The following RSF1 variants were observed in gnomAD, a reference collection of about 807,000 sequenced individuals.
RSF1 encodes HBV pX-associated protein 8.
A neutral mutation model predicts 145.2 loss-of-function variants in RSF1; 13 were observed. The ratio of observed to expected loss-of-function variants is 0.09; its 90% confidence interval spans 0.06 to 0.14. The LOEUF (loss-of-function observed/expected upper bound fraction) is 0.14. Ranked by LOEUF, RSF1 falls within the 10% of genes least tolerant of loss-of-function variation. RSF1 has a pLI of 1.00. For missense variants in RSF1, 1,517 were observed against 1,718.2 expected (o/e 0.88, Z 2.07); for synonymous variants, 577 against 592.6 (o/e 0.97, Z 0.38).
intron 1 of RSF1, among the ~76,000 whole-genome samples, chr11:77,797,861 C>G (rs1190029969): frequency 6.6e-6 from 1 of 152,202 alleles, no homozygotes; most frequent in Non-Finnish European, 1.5e-5. Flanking sequence ...TATGAACAGA[C>G]ACTTCTCAAA....
chr11:77,762,409 C>T (rs1361179458), intron 2 of RSF1: 1 of 152,256 alleles, frequency 6.6e-6, no homozygotes, highest in Non-Finnish European at 1.5e-5. Context: ...TCCACCCCCT[C>T]CTTTCCATCC....
intron 1 of RSF1, among the ~76,000 whole-genome samples, chr11:77,814,618 G>GT (rs911812236): frequency 3.9e-5 from 6 of 152,038 alleles, no homozygotes; most frequent in African/African-American, 1.4e-4. Context: ...ACTAATTTTT[G>GT]TATTTTTAGT....
intron 3 of RSF1, among the ~76,000 whole-genome samples, chr11:77,744,748 A>G (rs1947981596): frequency 6.6e-6 from 1 of 152,182 alleles, no homozygotes; most frequent in African/African-American, 2.4e-5. Context: ...ATCTGTGTTC[A>G]TTGGGAATAT....
intron 4 of RSF1, among the ~76,000 whole-genome samples, chr11:77,738,245 A>G (rs1961415127): frequency 6.6e-6 from 1 of 152,234 alleles, no homozygotes; most frequent in Admixed American, 6.5e-5. Flanking sequence ...CCTCACAACA[A>G]CTTTTTGAGG....
chr11:77,684,583 G>A (rs980171843), intron 10 of RSF1, among the ~76,000 whole-genome samples: 1 of 152,206 alleles, frequency 6.6e-6, no homozygotes, highest in African/African-American at 2.4e-5. Flanking sequence ...TAGTTTAGAT[G>A]TGATATCACA....
At chr11:77,747,276 A>C (rs1408934693) in intron 2 of RSF1, 148 bp from the exon 3 acceptor site, 1 of 528,392 alleles carries the variant, frequency 1.9e-6, no homozygotes, top group Non-Finnish European at 3.4e-6. Context: ...CCTAAAATGC[A>C]TACTACTTAA....
the RSF1 span, chr11:77,870,074 T>C: frequency 2.0e-4 from 47 of 232,792 alleles, no homozygotes; most frequent in African/African-American, 1.0e-3. Flanking sequence ...TTTGGTCCTT[T>C]ATATTTTAAT....
At chr11:77,741,810 C>G (rs1947942527) in intron 3 of RSF1, among the ~76,000 whole-genome samples, 1 of 152,158 alleles carries the variant, frequency 6.6e-6, no homozygotes, top group Admixed American at 6.5e-5. Flanking sequence ...TTCCTCCTGT[C>G]TGACTTTTTG....
At chr11:77,783,004 ATTAAC>A (rs1439395100) in intron 1 of RSF1, among the ~76,000 whole-genome samples, 2 of 152,156 alleles carry the variant, frequency 1.3e-5, no homozygotes, top group African/African-American at 4.8e-5. Flanking sequence ...CTTCTTTTGA[ATTAAC>A]TTGATTAAAA....
intron 4 of RSF1, among the ~76,000 whole-genome samples, chr11:77,727,812 A>G (rs756601663): frequency 6.6e-6 from 1 of 152,028 alleles, no homozygotes; most frequent in Non-Finnish European, 1.5e-5. Context: ...AAGGGAATTT[A>G]GCATTAAAAT....
chr11:77,668,803 A>G (rs971914142), intron 15 of RSF1, among the ~76,000 whole-genome samples: 2 of 152,164 alleles, frequency 1.3e-5, no homozygotes, highest in African/African-American at 2.4e-5. Context: ...AAGGATTTTG[A>G]TATCTGCGGG....
At chr11:77,862,255 C>T in the RSF1 span, among the ~76,000 whole-genome samples, 1 of 152,124 alleles carries the variant, frequency 6.6e-6, no homozygotes, top group Non-Finnish European at 1.5e-5. Flanking sequence ...TACCAGAGAT[C>T]GCCAAACTCT....
intron 4 of RSF1, among the ~76,000 whole-genome samples, chr11:77,727,804 G>A (rs1961095207): frequency 6.6e-6 from 1 of 151,824 alleles, no homozygotes; most frequent in Admixed American, 6.6e-5. Context: ...TAAGCAAAAA[G>A]GGAATTTAGC....
the RSF1 span, chr11:77,868,748 A>T: frequency 4.3e-6 from 1 of 233,250 alleles, no homozygotes; most frequent in Non-Finnish European, 9.5e-6. Flanking sequence ...GGCTCCAGCA[A>T]CTCAGGCTCC....
At chr11:77,819,525 T>C (rs1450926003) in intron 1 of RSF1, among the ~76,000 whole-genome samples, 2 of 152,196 alleles carry the variant, frequency 1.3e-5, no homozygotes, top group African/African-American at 4.8e-5. Context: ...GGTGGCCTTA[T>C]GTGGAAGGAG....
At chr11:77,671,141 ATATATATATATATAT>A (rs1959528428) in intron 15 of RSF1, among the ~76,000 whole-genome samples, 2 of 14,456 alleles carry the variant, frequency 1.4e-4, no homozygotes, top group African/African-American at 8.7e-4. Context: ...AAAAAAAAAT[ATATATATATATATAT>A]ATATATATAT....
At chr11:77,671,033 G>T (rs780344246) in intron 15 of RSF1, among the ~76,000 whole-genome samples, 1 of 141,252 alleles carries the variant, frequency 7.1e-6, no homozygotes, top group Non-Finnish European at 1.5e-5. Flanking sequence ...TTGAACTTGG[G>T]AGGCGGAGGT....
intron 1 of RSF1, among the ~76,000 whole-genome samples, chr11:77,788,997 C>T (rs1001905308): frequency 1.3e-5 from 2 of 151,938 alleles, no homozygotes; most frequent in Non-Finnish European, 2.9e-5. Flanking sequence ...AAAAGCAAGA[C>T]CTTATCTCAA....
intron 1 of RSF1, 138 bp from the exon 2 acceptor site, chr11:77,764,827 C>T (rs572224123): frequency 3.6e-6 from 2 of 560,520 alleles, no homozygotes; most frequent in South Asian, 5.0e-5. Flanking sequence ...AACTTTTAGA[C>T]CTCTGAATCA....
Sources: allele counts gnomAD v4.1 joint callset (sites outside exome capture counted in the v4.1 genomes callset), GRCh38; gene constraint gnomAD v4.1.1; transcripts MANE v1.5; gene names NCBI Gene and HGNC (gene_info 2026-07-23, HGNC 2026-07-21).